GSE1: variants seen among roughly 807,000 people sequenced by gnomAD.
The protein encoded by GSE1 is Gse1 coiled-coil protein.
A neutral mutation model predicts 112.6 loss-of-function variants in GSE1; 32 were observed. The observed-to-expected ratio is 0.28, with a 90% confidence interval of 0.21 to 0.38. The LOEUF (loss-of-function observed/expected upper bound fraction) is 0.38, where lower values mean the gene tolerates loss of function less well. Among genes scored for constraint, GSE1 ranks in the 10% least tolerant of loss-of-function variants. GSE1 has a pLI of 1.00. For synonymous variants in GSE1, 1,115 were observed against 735.6 expected (o/e 1.52, Z -8.35); for missense variants, 2,348 against 1,699.2 (o/e 1.38, Z -6.71).
intron 3 of GSE1, among the ~76,000 whole-genome samples, chr16:85,651,810 G>A (rs2051381150): frequency 6.6e-6 from 1 of 152,222 alleles, no homozygotes; most frequent in Non-Finnish European, 1.5e-5. Context: ...TGCCTGAGCA[G>A]GCGAGGCCCC....
rs1317138834 is a variant in GSE1, at chr16:85,331,698, TATA to T, written c.2284-25764_2284-25762del. ...GTGTGTGTGTGTGTATATATATATA[TATA>T]TATATATTTTTTTTTTTTTTTTTTT... On this transcript the variant is annotated intron_variant, in intron 1 of 2. Transcript: ENST00000637419. Among the ~76,000 whole-genome samples, 19 of 90,482 alleles carry T rather than the reference TATA, an allele frequency of 2.1e-4. 1 individual carries two copies. Among genetic ancestry groups the T allele is most frequent in the African/African-American group, 6.8e-4 (16 of 23,636 alleles). The allele number at this position is 90,482 out of a possible 152,430, so 59.4% of individuals were successfully genotyped here.
rs758342626 is a variant in GSE1, at chr16:85,666,099, C to T, written c.2882C>T (p.Ser961Leu). 71 of 1,613,028 alleles carry T rather than the reference C, an allele frequency of 4.4e-5. No individual in the cohort carries two copies. Among genetic ancestry groups the T allele is most frequent in the Middle Eastern group, 3.3e-4 (2 of 6,084 alleles). The change falls in exon 13 of 16, where the codon TCG (serine) becomes TTG (leucine). Residue 961 changes from serine to leucine, a missense_variant. Transcript: ENST00000253458. ...KLEQVRPQEL[S>L]RVQELAPASG... ...GAACAGGTCCGGCCCCAGGAGCTGT[C>T]GAGAGTCCAGGAGCTAGCTCCTGCC...
At chr16:85,465,648 C>A (rs2050102671) in intron 2 of GSE1, among the ~76,000 whole-genome samples, 1 of 152,206 alleles carries the variant, frequency 6.6e-6, no homozygotes, top group Non-Finnish European at 1.5e-5. Context: ...TCCAAGAAGC[C>A]TTCCAGACTC....
intron 1 of GSE1, among the ~76,000 whole-genome samples, chr16:85,213,278 AAAAAAG>A (rs1309501662): frequency 5.3e-5 from 8 of 151,784 alleles, no homozygotes; most frequent in Admixed American, 2.0e-4. Flanking sequence ...AAAAAAAAAA[AAAAAAG>A]AAAAAGAAAA....
intron 2 of GSE1, among the ~76,000 whole-genome samples, chr16:85,380,790 C>T (rs1359927844): frequency 3.3e-5 from 5 of 152,238 alleles, no homozygotes; most frequent in Admixed American, 1.3e-4. Flanking sequence ...TCCGCTGCTC[C>T]TCCAGCTGAA....
intron 2 of GSE1, among the ~76,000 whole-genome samples, chr16:85,452,754 G>A (rs1015761951): frequency 2.0e-5 from 3 of 152,252 alleles, no homozygotes; most frequent in Admixed American, 6.5e-5. Flanking sequence ...CCTGGTGGGC[G>A]GTGCAGAACT....
At chr16:85,298,290 G>A (rs1032553501) in intron 1 of GSE1, among the ~76,000 whole-genome samples, 1 of 152,114 alleles carries the variant, frequency 6.6e-6, no homozygotes, top group Non-Finnish European at 1.5e-5. Context: ...GTCTCCAAGA[G>A]GCAAATTTGA....
chr16:85,535,209 G>T (rs1161752580), intron 2 of GSE1, among the ~76,000 whole-genome samples: 2 of 152,212 alleles, frequency 1.3e-5, no homozygotes, highest in African/African-American at 4.8e-5. Flanking sequence ...TGTGCTCCCG[G>T]CTGACTCTGG....
At chr16:85,289,107 A>G (rs1275539887) in intron 1 of GSE1, among the ~76,000 whole-genome samples, 6 of 152,136 alleles carry the variant, frequency 3.9e-5, no homozygotes, top group Non-Finnish European at 7.4e-5. Flanking sequence ...TTATCTTCAA[A>G]TAATCTTTGG....
At chr16:85,317,722 A>G (rs2046015695) in intron 1 of GSE1, among the ~76,000 whole-genome samples, 1 of 152,052 alleles carries the variant, frequency 6.6e-6, no homozygotes, top group Non-Finnish European at 1.5e-5. Flanking sequence ...GTGAGCATTC[A>G]TGCACCCTGC....
At chr16:85,560,128 CTTTTTTTTTTT>C (rs377241566) in intron 1 of GSE1, among the ~76,000 whole-genome samples, 66 of 99,154 alleles carry the variant, frequency 6.7e-4, no homozygotes, top group African/African-American at 2.4e-3. Flanking sequence ...TCTTCTTCTT[CTTTTTTTTTTT>C]TTTTTTTTTT....
chr16:85,181,395 C>G (rs945067898), intron 1 of GSE1, among the ~76,000 whole-genome samples: 2 of 152,190 alleles, frequency 1.3e-5, no homozygotes, highest in Non-Finnish European at 2.9e-5. Context: ...GGGAGAGTGG[C>G]CAGTCCAATG....
chr16:85,582,670 C>G (rs899879213), intron 1 of GSE1, among the ~76,000 whole-genome samples: 1 of 152,130 alleles, frequency 6.6e-6, no homozygotes, highest in African/African-American at 2.4e-5. Context: ...CAGTCCTCCC[C>G]GTGTTGATAA....
chr16:85,462,683 CG>C (rs1270435543), intron 2 of GSE1, among the ~76,000 whole-genome samples: 1 of 23,588 alleles, frequency 4.2e-5, no homozygotes, highest in African/African-American at 1.8e-4. Flanking sequence ...CGGGGGAGGG[CG>C]GCGGGGGCGC....
chr16:85,621,153 G>T (rs1227459200), intron 1 of GSE1, among the ~76,000 whole-genome samples: 1 of 152,056 alleles, frequency 6.6e-6, no homozygotes, highest in Non-Finnish European at 1.5e-5. Context: ...AACCCGTTTA[G>T]ATGGTCTCGG....
chr16:85,337,988 T>G (rs901274543), intron 1 of GSE1, among the ~76,000 whole-genome samples: 1 of 152,154 alleles, frequency 6.6e-6, no homozygotes, highest in Admixed American at 6.5e-5. Flanking sequence ...GCTTTGAGGG[T>G]GCTGGGAACA....
At chr16:85,214,832 A>G (rs1406974906) in intron 1 of GSE1, among the ~76,000 whole-genome samples, 1 of 144,078 alleles carries the variant, frequency 6.9e-6, no homozygotes, top group Middle Eastern at 3.5e-3. Flanking sequence ...GCCCTCGTGG[A>G]TGGACAGGTG....
intron 1 of GSE1, among the ~76,000 whole-genome samples, chr16:85,237,200 G>A (rs1904752527): frequency 1.3e-5 from 2 of 152,206 alleles, no homozygotes; most frequent in African/African-American, 4.8e-5. Flanking sequence ...GCGGTCGCCT[G>A]TAATCCCAGC....
Position 85,379,198 on chromosome 16 carries a change from G to A in GSE1, c.2464+21555G>A, listed in dbSNP as rs151261492. ...CTCCCTGGGCCTCAGCACCCTCCTCGCTGGGCCTCCTCCGCATGCAGTGCC... is the reference window on the plus strand; with the variant it reads ...CTCCCTGGGCCTCAGCACCCTCCTCACTGGGCCTCCTCCGCATGCAGTGCC... On this transcript the variant is annotated intron_variant, in intron 2 of 2. Transcript: ENST00000637419. Among the ~76,000 whole-genome samples, 533 of 152,186 alleles carry A rather than the reference G, an allele frequency of 3.5e-3. 4 individuals are homozygous for A. Among genetic ancestry groups the A allele is most frequent in the African/African-American group, 0.012 (510 of 41,534 alleles).
Sources: gnomAD v4.1 joint callset for allele counts (sites outside exome capture counted in the v4.1 genomes callset) on GRCh38, gnomAD v4.1.1 for gene constraint, MANE v1.5 for transcripts, NCBI Gene and HGNC (gene_info 2026-07-23, HGNC 2026-07-21) for gene names.